The following P4HA1 variants were observed in gnomAD, a reference collection of about 807,000 sequenced individuals.
P4HA1 encodes prolyl 4-hydroxylase subunit alpha-1.
A neutral mutation model predicts 72.8 loss-of-function variants in P4HA1; 24 were observed. The observed-to-expected ratio is 0.33, with a 90% CI of 0.24 to 0.46. The LOEUF is 0.46. Ranked by LOEUF, P4HA1 falls within the 20% of genes least tolerant of loss-of-function variation. The pLI is 1.00. For synonymous variants in P4HA1, 201 were observed against 218.8 expected (o/e 0.92, Z 0.72); for missense variants, 446 against 640.6 (o/e 0.70, Z 3.28).
chr10:73,067,065 G>T (rs1435076240), intron 5 of P4HA1, among the ~76,000 whole-genome samples: 1 of 152,044 alleles, frequency 6.6e-6, no homozygotes, highest in Admixed American at 6.6e-5. Context: ...TCAGGGAATT[G>T]CTATGCTGCC....
intron 8 of P4HA1, among the ~76,000 whole-genome samples, chr10:73,046,386 G>A (rs1451155453): frequency 1.3e-5 from 2 of 152,160 alleles, no homozygotes; most frequent in South Asian, 2.1e-4. Flanking sequence ...TCAACACTAA[G>A]CTTATAGATT....
At chr10:73,092,510 C>T (rs927332422) in intron 1 of P4HA1, among the ~76,000 whole-genome samples, 29 of 148,242 alleles carry the variant, frequency 2.0e-4, no homozygotes, top group Non-Finnish European at 4.2e-4. Context: ...AACCTCATGC[C>T]CCCTTAATTA....
chr10:73,016,773 TTTTTG>T, intron 11 of P4HA1, 68 bp downstream of exon 11: 5 of 1,175,116 alleles, frequency 4.3e-6, no homozygotes, highest in Non-Finnish European at 6.3e-6. Flanking sequence ...TGAGACTGTT[TTTTTG>T]TTTTGTTTTG....
At chr10:73,055,116 C>A (rs1340003354) in intron 5 of P4HA1, among the ~76,000 whole-genome samples, 2 of 152,092 alleles carry the variant, frequency 1.3e-5, no homozygotes, top group Non-Finnish European at 2.9e-5. Context: ...ACCTGTAGTC[C>A]TGGCTAGCTG....
chr10:73,080,693 C>A (rs1841802491), intron 1 of P4HA1, among the ~76,000 whole-genome samples: 4 of 152,050 alleles, frequency 2.6e-5, no homozygotes, highest in Admixed American at 2.0e-4. Context: ...GAGGCAGAAG[C>A]GGGCAGGCAG....
At chr10:73,034,106 C>T (rs1840506227) in intron 9 of P4HA1, among the ~76,000 whole-genome samples, 2 of 151,976 alleles carry the variant, frequency 1.3e-5, no homozygotes, top group Admixed American at 6.6e-5. Context: ...CCTAGCTACT[C>T]ATAAGGCTGA....
chr10:73,068,575 T>C (rs570889894), intron 5 of P4HA1, among the ~76,000 whole-genome samples: 2 of 152,298 alleles, frequency 1.3e-5, no homozygotes, highest in East Asian at 3.9e-4. Flanking sequence ...GGTGAAATGA[T>C]AGTTTCTTTT....
At chr10:73,038,429 G>C (rs1242749721) in intron 9 of P4HA1, among the ~76,000 whole-genome samples, 1 of 151,860 alleles carries the variant, frequency 6.6e-6, no homozygotes, top group Non-Finnish European at 1.5e-5. Flanking sequence ...ACTCTAAACA[G>C]ATTATTGTTT....
intron 9 of P4HA1, among the ~76,000 whole-genome samples, chr10:73,042,195 T>A (rs1174439956): frequency 1.3e-5 from 2 of 152,030 alleles, no homozygotes; most frequent in Non-Finnish European, 2.9e-5. Context: ...AGAAAAAAAA[T>A]TTTTCTCTCT....
chr10:73,066,894 T>C (rs1841436414), intron 5 of P4HA1, among the ~76,000 whole-genome samples: 1 of 152,174 alleles, frequency 6.6e-6, no homozygotes, highest in Non-Finnish European at 1.5e-5. Context: ...TCCGTAGCCA[T>C]GCGGAACTGT....
intron 1 of P4HA1, among the ~76,000 whole-genome samples, chr10:73,083,933 C>T (rs886823348): frequency 2.6e-5 from 4 of 152,050 alleles, no homozygotes; most frequent in South Asian, 4.2e-4. Context: ...CTTTGATAAA[C>T]ATTTTTAATT....
At chr10:73,048,029 G>A (rs1375725433) in intron 7 of P4HA1, among the ~76,000 whole-genome samples, 5 of 152,096 alleles carry the variant, frequency 3.3e-5, no homozygotes, top group African/African-American at 1.2e-4. Context: ...TCCAGCCTGG[G>A]TGACAGAGCA....
At chr10:73,037,544 TATATATATATATATATATA>T (rs1840610539) in intron 9 of P4HA1, among the ~76,000 whole-genome samples, 1 of 24,582 alleles carries the variant, frequency 4.1e-5, no homozygotes, top group Admixed American at 5.7e-4. Flanking sequence ...TATATATATA[TATATATATATATATATATA>T]TATATATATT....
intron 9 of P4HA1, among the ~76,000 whole-genome samples, chr10:73,035,333 T>C (rs1331869997): frequency 2.0e-5 from 3 of 151,898 alleles, no homozygotes; most frequent in Non-Finnish European, 4.4e-5. Flanking sequence ...CTGGGAAACA[T>C]AGCAAGACCC....
At chr10:73,072,281 C>A in intron 3 of P4HA1, 101 bp from the exon 4 acceptor site, 1 of 872,466 alleles carries the variant, frequency 1.1e-6, no homozygotes, top group South Asian at 1.7e-5. Context: ...TTTTTGAGTT[C>A]AACTATATCT....
chr10:73,054,651 G>A (rs1368614051), intron 5 of P4HA1, among the ~76,000 whole-genome samples: 1 of 152,154 alleles, frequency 6.6e-6, no homozygotes, highest in Non-Finnish European at 1.5e-5. Flanking sequence ...GCAACTCTAC[G>A]CTTAACGTTT....
chr10:73,016,962 T>A, intron 10 of P4HA1, 63 bp from the exon 11 acceptor site: 2 of 1,305,432 alleles, frequency 1.5e-6, no homozygotes, highest in Non-Finnish European at 2.2e-6. Flanking sequence ...AAAAAAAATC[T>A]ATGAACCTCA....
intron 10 of P4HA1, among the ~76,000 whole-genome samples, 156 bp from the exon 11 acceptor site, chr10:73,017,055 C>G (rs1840020493): frequency 6.6e-6 from 1 of 151,610 alleles, no homozygotes; most frequent in African/African-American, 2.4e-5. Flanking sequence ...CCTATGAAAA[C>G]AGGGATGAAA....
At chr10:73,014,387 T>C in intron 11 of P4HA1, 98 bp from the exon 12 acceptor site, 1 of 886,598 alleles carries the variant, frequency 1.1e-6, no homozygotes. Flanking sequence ...CTGAAGAATA[T>C]GCCAACAACA....
Sources: gnomAD v4.1 joint callset for allele counts (sites outside exome capture counted in the v4.1 genomes callset) on GRCh38, gnomAD v4.1.1 for gene constraint, MANE v1.5 for transcripts, NCBI Gene and HGNC (gene_info 2026-07-23, HGNC 2026-07-21) for gene names.